The following CTNNA3 variants were observed in gnomAD, a reference collection of about 807,000 sequenced individuals.
CTNNA3 encodes the protein catenin alpha 3.
Under a neutral mutation model 95.7 loss-of-function variants are expected in CTNNA3, and 76 were observed. That is an observed-to-expected ratio of 0.79 (90% CI 0.66 to 0.96). CTNNA3 has a LOEUF of 0.96. CTNNA3 is among the 40% of genes least tolerant of loss of function. CTNNA3 has a pLI of 0.00. For missense variants in CTNNA3, 1,191 were observed against 1,089.8 expected, an observed-to-expected ratio of 1.09 and a Z score of -1.31; for synonymous variants, 431 against 374.4, an observed-to-expected ratio of 1.15 and a Z score of -1.74.
intron 11 of CTNNA3, among the ~76,000 whole-genome samples, chr10:66,444,819 A>G (rs570168930): frequency 4.5e-4 from 68 of 152,296 alleles, no homozygotes; most frequent in African/African-American, 1.6e-3. Flanking sequence ...AAATTCACAC[A>G]TAACACTTAA....
At chr10:67,038,469 C>T (rs575749465) in intron 7 of CTNNA3, among the ~76,000 whole-genome samples, 2 of 152,060 alleles carry the variant, frequency 1.3e-5, no homozygotes, top group South Asian at 4.1e-4. Flanking sequence ...TCCTAGGCTA[C>T]TGTGTGAGCT....
At chr10:67,001,298 TAAA>T (rs568002651) in intron 7 of CTNNA3, among the ~76,000 whole-genome samples, 3 of 93,336 alleles carry the variant, frequency 3.2e-5, no homozygotes, top group Admixed American at 1.2e-4. Context: ...AGACTCTGTC[TAAA>T]AAAAAAAAAA....
At chr10:67,202,151 T>C (rs1863676546) in intron 6 of CTNNA3, among the ~76,000 whole-genome samples, 1 of 152,198 alleles carries the variant, frequency 6.6e-6, no homozygotes. Flanking sequence ...TGAGGTTCTA[T>C]TCATAACATA....
intron 13 of CTNNA3, among the ~76,000 whole-genome samples, chr10:66,158,881 T>C (rs1000195719): frequency 2.0e-5 from 3 of 152,096 alleles, no homozygotes; most frequent in Middle Eastern, 3.4e-3. Flanking sequence ...TTAGGTATAT[T>C]CCTAAATATT....
chr10:67,490,553 T>G (rs1848607715), intron 5 of CTNNA3, among the ~76,000 whole-genome samples: 1 of 152,096 alleles, frequency 6.6e-6, no homozygotes, highest in Non-Finnish European at 1.5e-5. Context: ...CAAGCCTACC[T>G]GGGGAACAAG....
intron 15 of CTNNA3, among the ~76,000 whole-genome samples, chr10:66,059,133 T>C (rs762979743): frequency 1.3e-5 from 2 of 152,082 alleles, no homozygotes; most frequent in Non-Finnish European, 2.9e-5. Context: ...TACTGGTAAA[T>C]ATTGATCTTC....
chr10:67,205,070 T>C lies in CTNNA3; in HGVS notation c.843+14537A>G, dbSNP rs79927044. ...TAGCAGAATTCAGGATCCTCATCTC[T>C]TCGTAACCTGGTGGTCTTTTATTAG... On this transcript the variant is annotated intron_variant, in intron 6 of 17. Transcript: ENST00000433211. 0.013 allele frequency among the ~76,000 whole-genome samples: 1,907 copies of C among 152,308 alleles called. 119 individuals carry two copies. In the East Asian group the frequency reaches 0.19, roughly 15 times the overall value.
intron 11 of CTNNA3, among the ~76,000 whole-genome samples, chr10:66,511,291 T>C (rs569794935): frequency 6.6e-6 from 1 of 151,866 alleles, no homozygotes; most frequent in Admixed American, 6.6e-5. Flanking sequence ...TATATAATAG[T>C]TTGTTGATTT....
chr10:67,110,290 T>C (rs925976431), intron 7 of CTNNA3, among the ~76,000 whole-genome samples: 5 of 152,218 alleles, frequency 3.3e-5, no homozygotes, highest in African/African-American at 1.2e-4. Context: ...TTTAGCTTTT[T>C]TAAGTTTCAC....
At chr10:66,315,191 G>A (rs2092084232) in intron 12 of CTNNA3, among the ~76,000 whole-genome samples, 1 of 151,716 alleles carries the variant, frequency 6.6e-6, no homozygotes. Context: ...TGATTTTTAA[G>A]TAAATACCAG....
chr10:66,585,325 A>G (rs1318967164), intron 10 of CTNNA3, among the ~76,000 whole-genome samples: 1 of 151,930 alleles, frequency 6.6e-6, no homozygotes, highest in African/African-American at 2.4e-5. Flanking sequence ...AATATCTACA[A>G]TTCTTATGTT....
intron 5 of CTNNA3, among the ~76,000 whole-genome samples, chr10:67,493,204 C>A (rs1178022194): frequency 3.5e-5 from 5 of 142,872 alleles, no homozygotes; most frequent in African/African-American, 1.3e-4. Flanking sequence ...CCTAGCTCAA[C>A]GTGGGGGAAA....
At chr10:66,896,354 T>A (rs895272001) in intron 7 of CTNNA3, among the ~76,000 whole-genome samples, 2 of 152,178 alleles carry the variant, frequency 1.3e-5, no homozygotes, top group African/African-American at 4.8e-5. Context: ...GTTTCTTTCA[T>A]ATTTCTAGAT....
chr10:66,291,623 A>G (rs1461617613), intron 12 of CTNNA3, among the ~76,000 whole-genome samples: 1 of 152,120 alleles, frequency 6.6e-6, no homozygotes, highest in African/African-American at 2.4e-5. Flanking sequence ...TGCTCTTCCC[A>G]TATTGTATTA....
At chr10:67,470,962 A>T (rs919240298) in intron 5 of CTNNA3, among the ~76,000 whole-genome samples, 2 of 151,166 alleles carry the variant, frequency 1.3e-5, no homozygotes, top group Non-Finnish European at 2.9e-5. Context: ...TGTCTTTTTT[A>T]TTTATTTATT....
chr10:65,977,112 A>C (rs1321103599), intron 16 of CTNNA3, among the ~76,000 whole-genome samples: 1 of 152,192 alleles, frequency 6.6e-6, no homozygotes, highest in East Asian at 1.9e-4. Flanking sequence ...GTTGTTTCTC[A>C]AGTAACATTT....
At chr10:67,622,966 G>A (rs1355544577) in intron 2 of CTNNA3, among the ~76,000 whole-genome samples, 1 of 151,998 alleles carries the variant, frequency 6.6e-6, no homozygotes, top group East Asian at 1.9e-4. Context: ...AACTTTTAAG[G>A]TTACTCGTTG....
intron 13 of CTNNA3, among the ~76,000 whole-genome samples, chr10:66,144,914 T>A (rs1320409891): frequency 6.6e-6 from 1 of 152,220 alleles, no homozygotes; most frequent in Non-Finnish European, 1.5e-5. Flanking sequence ...CACATATGCA[T>A]ACTTTTAGGG....
intron 7 of CTNNA3, among the ~76,000 whole-genome samples, chr10:67,092,804 C>G (rs576509549): frequency 6.6e-6 from 1 of 152,074 alleles, no homozygotes; most frequent in Non-Finnish European, 1.5e-5. Context: ...CTTGGCACAT[C>G]ACTGGAAAAT....
Sources: gnomAD v4.1 joint callset for allele counts (sites outside exome capture counted in the v4.1 genomes callset) on GRCh38, gnomAD v4.1.1 for gene constraint, MANE v1.5 for transcripts, NCBI Gene and HGNC (gene_info 2026-07-23, HGNC 2026-07-21) for gene names.